The following MCTP2 variants were observed in gnomAD, a reference collection of about 807,000 sequenced individuals.
MCTP2 encodes the protein multiple C2 and transmembrane domain containing 2.
A neutral mutation model predicts 111.6 loss-of-function variants in MCTP2; 132 were observed. That is an observed-to-expected ratio of 1.18 (90% confidence interval 1.03 to 1.37). The LOEUF (loss-of-function observed/expected upper bound fraction) is 1.37. Ranked by LOEUF, MCTP2 falls within the 40% of genes most tolerant of loss-of-function variation. MCTP2 has a pLI of 0.00. For synonymous variants in MCTP2, 395 were observed against 387.7 expected (o/e 1.02, Z -0.22); for missense variants, 1,183 against 1,067.9 (o/e 1.11, Z -1.50).
chr15:94,243,259 A>G (rs553813189), intron 1 of MCTP2, among the ~76,000 whole-genome samples: 11 of 149,318 alleles, frequency 7.4e-5, no homozygotes, highest in African/African-American at 2.5e-4. Flanking sequence ...GCGTATATAC[A>G]TACATACGTA....
intron 17 of MCTP2, among the ~76,000 whole-genome samples, chr15:94,419,690 T>C (rs538060391): frequency 1.3e-5 from 2 of 152,144 alleles, no homozygotes; most frequent in Non-Finnish European, 2.9e-5. Context: ...CTTCACCTCT[T>C]TTACATTATA....
chr15:94,462,664 A>G (rs1362014541), intron 20 of MCTP2, among the ~76,000 whole-genome samples: 2 of 152,160 alleles, frequency 1.3e-5, no homozygotes, highest in African/African-American at 2.4e-5. Context: ...TAAAGCGCCT[A>G]CTACAGAAGC....
In MCTP2 at chr15:94,367,618, A is replaced by T; in HGVS notation, c.1315A>T (p.Ile439Phe). The part of the protein sequence containing the change: ...EERLGTCKVD[I>F]SALPLKQANC... ...AAACTTTTCTAGGTGTAAAGTGGATATCTCGGCACTCCCTCTGAAGCAAGC... is the reference window on the plus strand; with the variant it reads ...AAACTTTTCTAGGTGTAAAGTGGATTTCTCGGCACTCCCTCTGAAGCAAGC... Residue 439 changes from isoleucine (I) to phenylalanine (F), a missense_variant, in exon 11 of 23, where the codon ATC becomes TTC. Coordinates refer to ENST00000357742, the MANE Select transcript of MCTP2 (RefSeq NM_001385001.1). The T allele has an allele frequency of 6.2e-7, 1 of 1,610,742 alleles. No homozygotes were observed. Among genetic ancestry groups the T allele is most frequent in the Non-Finnish European group, 8.5e-7 (1 of 1,178,492 alleles).
intron 17 of MCTP2, among the ~76,000 whole-genome samples, chr15:94,424,401 A>G (rs944885225): frequency 2.0e-5 from 3 of 152,148 alleles, no homozygotes; most frequent in African/African-American, 7.2e-5. Context: ...ATTTAGAGCA[A>G]TAGTTCCCAG....
At chr15:94,405,423 G>A (rs1053852255) in intron 17 of MCTP2, among the ~76,000 whole-genome samples, 2 of 152,146 alleles carry the variant, frequency 1.3e-5, no homozygotes, top group East Asian at 1.9e-4. Context: ...GAACATAATC[G>A]TATCTTGTTG....
chr15:94,315,530 T>TA lies in MCTP2; in HGVS notation c.531dup (p.Pro178ThrfsTer6). 1 of 1,612,382 alleles carries TA rather than the reference T, an allele frequency of 6.2e-7. No individual in the cohort carries two copies. The highest frequency in any genetic ancestry group is 8.5e-7 in the Non-Finnish European group (1 of 1,178,516). On this transcript the variant is annotated frameshift_variant and splice_region_variant, in exon 4 of 23. Coordinates refer to ENST00000357742, the MANE Select transcript of MCTP2 (RefSeq NM_001385001.1). LOFTEE classifies it high-confidence loss of function. ...TAACTGCCTTCTCCATCTGTGCAGGTACCGGGGGAAGCCAGTGATGGCTTG... is the reference window on the plus strand; with the variant it reads ...TAACTGCCTTCTCCATCTGTGCAGGTAACCGGGGGAAGCCAGTGATGGCTTG...
intron 1 of MCTP2, among the ~76,000 whole-genome samples, chr15:94,295,915 C>CA (rs35051806): frequency 0.52 from 75,491 of 143,956 alleles, 21,167 homozygotes; most frequent in East Asian, 0.71. Context: ...GACCCTGACT[C>CA]AAAAAAAAAA....
intron 4 of MCTP2, among the ~76,000 whole-genome samples, chr15:94,336,297 C>T (rs1021263719): frequency 3.3e-5 from 5 of 152,210 alleles, no homozygotes; most frequent in African/African-American, 1.2e-4. Context: ...GCAGCCTCCA[C>T]TGGCACTCCA....
At chr15:94,245,468 A>T (rs530158351) in intron 1 of MCTP2, among the ~76,000 whole-genome samples, 10 of 140,206 alleles carry the variant, frequency 7.1e-5, no homozygotes, top group African/African-American at 2.6e-4. Context: ...ATTTATATAC[A>T]TATATGTATA....
chr15:94,366,775 G>A (rs888357172), intron 10 of MCTP2, among the ~76,000 whole-genome samples: 1 of 152,122 alleles, frequency 6.6e-6, no homozygotes, highest in Non-Finnish European at 1.5e-5. Context: ...TCACCCACCT[G>A]CATACATAAA....
chr15:94,434,927 G>A (rs192041727), intron 17 of MCTP2, among the ~76,000 whole-genome samples: 96 of 148,206 alleles, frequency 6.5e-4, no homozygotes, highest in African/African-American at 2.0e-3. Flanking sequence ...GAAGTGGCGC[G>A]ATCTTAGCTC....
intron 17 of MCTP2, among the ~76,000 whole-genome samples, chr15:94,415,054 A>G (rs1596636438): frequency 6.6e-6 from 1 of 152,192 alleles, no homozygotes; most frequent in East Asian, 1.9e-4. Flanking sequence ...GATGATACCT[A>G]CAGTAACACA....
At chr15:94,417,980 A>G (rs1214857847) in intron 17 of MCTP2, among the ~76,000 whole-genome samples, 1 of 152,128 alleles carries the variant, frequency 6.6e-6, no homozygotes, top group Admixed American at 6.6e-5. Flanking sequence ...CAAGTGGAGT[A>G]ACTTAATACA....
intron 1 of MCTP2, among the ~76,000 whole-genome samples, chr15:94,233,348 G>A (rs2070321427): frequency 6.6e-6 from 1 of 151,940 alleles, no homozygotes; most frequent in Non-Finnish European, 1.5e-5. Flanking sequence ...AACATATTTT[G>A]AAAGGCCTGA....
chr15:94,470,334 A>G lies in MCTP2; in HGVS notation c.2362A>G (p.Thr788Ala). The change falls in exon 21 of 23, where the codon ACA becomes GCA. Residue 788 changes from threonine (T) to alanine (A), a missense_variant and splice_region_variant. Physicochemically the swap from Thr to Ala is moderately conservative, Grantham distance 58 (BLOSUM62 0). Coordinates refer to ENST00000357742, the MANE Select transcript of MCTP2 (RefSeq NM_001385001.1). ...IASFGERIKN[T>A]FNWTVPFLSS... ...TATATTTATGTGGTTTGTCTACAGC[A>G]CATTTAACTGGACGGTCCCCTTCCT... 6.2e-7 allele frequency: 1 copy of G among 1,606,814 alleles called. No individual in the cohort carries two copies. The highest frequency in any genetic ancestry group is 8.5e-7 in the Non-Finnish European group (1 of 1,173,382).
chr15:94,471,675 T>C (rs1383758686), intron 21 of MCTP2, among the ~76,000 whole-genome samples: 1 of 152,050 alleles, frequency 6.6e-6, no homozygotes, highest in Non-Finnish European at 1.5e-5. Flanking sequence ...GTATTTTTTG[T>C]TTACTTGGCA....
At chr15:94,451,037 G>A (rs546593600) in intron 19 of MCTP2, among the ~76,000 whole-genome samples, 1 of 152,174 alleles carries the variant, frequency 6.6e-6, no homozygotes, top group East Asian at 1.9e-4. Flanking sequence ...CCTTAAGAAA[G>A]GAAAGATTTG....
At chr15:94,367,027 T>C (rs1001265073) in intron 10 of MCTP2, among the ~76,000 whole-genome samples, 1 of 152,200 alleles carries the variant, frequency 6.6e-6, no homozygotes. Context: ...GCTCCATTTG[T>C]CCAAAAGAAA....
intron 17 of MCTP2, among the ~76,000 whole-genome samples, chr15:94,425,319 A>G (rs2082829160): frequency 6.6e-6 from 1 of 152,142 alleles, no homozygotes; most frequent in Non-Finnish European, 1.5e-5. Context: ...CCAGTATCAC[A>G]CAAATATTTA....
Sources: gnomAD v4.1 joint callset for allele counts (sites outside exome capture counted in the v4.1 genomes callset) on GRCh38, gnomAD v4.1.1 for gene constraint, MANE v1.5 for transcripts, NCBI Gene and HGNC (gene_info 2026-07-23, HGNC 2026-07-21) for gene names.